The following CNGB3 variants were observed in gnomAD, a reference collection of about 807,000 sequenced individuals.
The protein encoded by CNGB3 is cyclic nucleotide-gated channel beta-3.
In CNGB3, 86 loss-of-function variants were observed where a neutral mutation model predicts 92.8. The observed-to-expected ratio is 0.93, with a 90% CI of 0.78 to 1.11. The LOEUF (loss-of-function observed/expected upper bound fraction) is 1.11, where lower values mean the gene tolerates loss of function less well. Among genes scored for constraint, CNGB3 ranks in the 50% least tolerant of loss-of-function variants. The pLI is 0.00. For synonymous variants in CNGB3, 333 were observed against 332.7 expected, an observed-to-expected ratio of 1.00 and a Z score of -0.01; for missense variants, 1,026 against 956.8, an observed-to-expected ratio of 1.07 and a Z score of -0.95.
Position 86,673,609 on chromosome 8 carries a change from C to T in CNGB3, c.339-2511G>A, listed in dbSNP as rs560707115. Among the ~76,000 whole-genome samples the T allele has an allele frequency of 5.3e-5, 8 of 152,274 alleles. No homozygotes were observed. The East Asian group carries it at 1.5e-3, about 29-fold the overall frequency. On this transcript the variant is annotated intron_variant, in intron 3 of 17. Transcript: ENST00000320005. ...AAAGGCCTGAGCAGACAGCTTTGAA[C>T]TTTGGAAAATTAGCAATAGTGAGAG...
chr8:86,698,719 G>A (rs370039926), intron 3 of CNGB3, among the ~76,000 whole-genome samples: 2 of 152,132 alleles, frequency 1.3e-5, no homozygotes, highest in Admixed American at 6.6e-5. Context: ...GGGGTAGTTT[G>A]TTAGAGAGGG....
At chr8:86,598,039 G>A (rs1472958744) in intron 15 of CNGB3, among the ~76,000 whole-genome samples, 1 of 152,092 alleles carries the variant, frequency 6.6e-6, no homozygotes, top group African/African-American at 2.4e-5. Context: ...AGAGAGCAAG[G>A]CGAGTCAGGT....
rs1186208701 is a variant in CNGB3, at chr8:86,665,903, G to GA, written c.852+1021dup. 4.6e-5 allele frequency among the ~76,000 whole-genome samples: 7 copies of GA among 151,894 alleles called. No homozygotes were observed. In the East Asian group the frequency reaches 1.2e-3, roughly 25 times the overall value. ...TCCTGAATATAAAATAAAAATTGGGGAAAAAAAAGGGTCATGAAAGCTTTG... is the reference window on the plus strand; with the variant it reads ...TCCTGAATATAAAATAAAAATTGGGGAAAAAAAAAGGGTCATGAAAGCTTTG... On this transcript the variant is annotated intron_variant, in intron 6 of 17. Transcript: ENST00000320005.
At chr8:86,708,540 CTTTCT>C (rs145494200) in intron 3 of CNGB3, among the ~76,000 whole-genome samples, 1,578 of 145,208 alleles carry the variant, frequency 0.011, 32 homozygotes, top group African/African-American at 0.035. Flanking sequence ...TCTTTACTTT[CTTTCT>C]TTTCTTTTCT....
At chr8:86,655,725 G>A (rs1003522160) in intron 6 of CNGB3, among the ~76,000 whole-genome samples, 4 of 152,146 alleles carry the variant, frequency 2.6e-5, no homozygotes, top group Non-Finnish European at 5.9e-5. Context: ...TATTTCCTCA[G>A]TTCCTAACAC....
intron 3 of CNGB3, among the ~76,000 whole-genome samples, chr8:86,698,752 C>T (rs909065436): frequency 8.6e-5 from 13 of 151,948 alleles, no homozygotes; most frequent in Admixed American, 1.3e-4. Flanking sequence ...GGATTTTCAA[C>T]GTGAGAGAGG....
intron 6 of CNGB3, chr8:86,657,321 C>G (rs951427840): frequency 4.9e-5 from 19 of 388,118 alleles, no homozygotes; most frequent in Non-Finnish European, 9.7e-5. Flanking sequence ...GTGGTAAGGA[C>G]CTGGTGGGGA....
At chr8:86,593,475 GTTT>G (rs1011300554) in intron 15 of CNGB3, among the ~76,000 whole-genome samples, 1 of 152,060 alleles carries the variant, frequency 6.6e-6, no homozygotes, top group Non-Finnish European at 1.5e-5. Context: ...TAGTTTTAAA[GTTT>G]TTTTTAAAAG....
chr8:86,672,780 C>T (rs1823885519), intron 3 of CNGB3, among the ~76,000 whole-genome samples: 1 of 152,208 alleles, frequency 6.6e-6, no homozygotes, highest in South Asian at 2.1e-4. Context: ...ATGTTTTTCT[C>T]TCTTACCTTC....
chr8:86,682,323 T>C (rs1015827295), intron 3 of CNGB3, among the ~76,000 whole-genome samples: 1 of 152,168 alleles, frequency 6.6e-6, no homozygotes, highest in African/African-American at 2.4e-5. Context: ...TAAGTCCTGA[T>C]TTCCTGCCTT....
At chr8:86,587,470 G>C (rs969611008) in intron 15 of CNGB3, among the ~76,000 whole-genome samples, 8 of 152,084 alleles carry the variant, frequency 5.3e-5, no homozygotes, top group Non-Finnish European at 1.5e-5. Flanking sequence ...GATGGTTTTA[G>C]GTCTAACGTT....
intron 10 of CNGB3, among the ~76,000 whole-genome samples, chr8:86,639,537 A>T (rs1338302611): frequency 6.6e-6 from 1 of 152,078 alleles, no homozygotes; most frequent in Admixed American, 6.6e-5. Flanking sequence ...AATTCTAACT[A>T]GGTCAAAATT....
At chr8:86,576,463 T>C (rs79856733) in intron 17 of CNGB3, among the ~76,000 whole-genome samples, 3,927 of 152,284 alleles carry the variant, frequency 0.026, 165 homozygotes, top group African/African-American at 0.089. Context: ...TATTTACTTA[T>C]TCTGTAGAGA....
At chr8:86,674,086 C>G (rs1823917636) in intron 3 of CNGB3, among the ~76,000 whole-genome samples, 1 of 152,144 alleles carries the variant, frequency 6.6e-6, no homozygotes, top group Non-Finnish European at 1.5e-5. Context: ...ATTTGTTTGA[C>G]CTTAGTTGAT....
In CNGB3 at chr8:86,695,284, G is replaced by A. The variant is rs190287155; in HGVS notation, c.339-24186C>T. Among the ~76,000 whole-genome samples the A allele has an allele frequency of 3.3e-3, 495 of 152,270 alleles. 3 individuals are homozygous for A. Among genetic ancestry groups the A allele is most frequent in the African/African-American group, 0.01 (428 of 41,560 alleles). The stretch of plus-strand genomic sequence containing the variant: ...TTCGGCTCGGCATCAGAGGGAGACC[G>A]TGGAAAGAGAGGGAGAGGGAGACCA... On this transcript the variant is annotated intron_variant, in intron 3 of 17. Transcript: ENST00000320005.
intron 8 of CNGB3, 143 bp downstream of exon 8, chr8:86,647,658 G>C: frequency 3.3e-6 from 2 of 603,452 alleles, no homozygotes; most frequent in Non-Finnish European, 6.0e-6. Context: ...CATTGATGAG[G>C]GCAGAAAGAT....
At chr8:86,738,587 C>A (rs992222410) in intron 2 of CNGB3, among the ~76,000 whole-genome samples, 11 of 152,112 alleles carry the variant, frequency 7.2e-5, no homozygotes, top group Non-Finnish European at 1.2e-4. Context: ...CGCCTGTAAT[C>A]CCAGCACTTT....
intron 3 of CNGB3, among the ~76,000 whole-genome samples, chr8:86,687,659 A>G (rs1229007778): frequency 1.3e-5 from 2 of 152,054 alleles, no homozygotes; most frequent in Non-Finnish European, 2.9e-5. Context: ...CTGTGAATGT[A>G]TAAGTGCACT....
intron 3 of CNGB3, among the ~76,000 whole-genome samples, chr8:86,695,328 G>A (rs896518034): frequency 6.7e-6 from 1 of 150,362 alleles, no homozygotes; most frequent in South Asian, 2.2e-4. Flanking sequence ...GGGAGAGGGA[G>A]AGGGAGAGGG....
Sources: gnomAD v4.1 joint callset for allele counts (sites outside exome capture counted in the v4.1 genomes callset) on GRCh38, gnomAD v4.1.1 for gene constraint, MANE v1.5 for transcripts, NCBI Gene and HGNC (gene_info 2026-07-23, HGNC 2026-07-21) for gene names.